Variants in CDC42EP3 observed in about 807,000 individuals in gnomAD.
The protein encoded by CDC42EP3 is CDC42 effector protein (Rho GTPase binding) 3.
A neutral mutation model predicts 15.5 loss-of-function variants in CDC42EP3; 4 were observed. The ratio of observed to expected loss-of-function variants is 0.26; its 90% CI spans 0.13 to 0.59. The LOEUF is 0.59. Ranked by LOEUF, CDC42EP3 falls within the 20% of genes least tolerant of loss-of-function variation. The pLI is 0.89. For synonymous variants in CDC42EP3, 145 were observed against 130.3 expected, an observed-to-expected ratio of 1.11 and a Z score of -0.77; for missense variants, 309 against 311.2, an observed-to-expected ratio of 0.99 and a Z score of 0.05.
chr2:37,660,492 G>A (rs536834956), intron 1 of CDC42EP3, among the ~76,000 whole-genome samples: 1 of 152,278 alleles, frequency 6.6e-6, no homozygotes, highest in Admixed American at 6.5e-5. Flanking sequence ...AGATAAAAGT[G>A]GTGTTTTCAT....
upstream of CDC42EP3, chr2:37,672,393 G>A (rs1666461328): frequency 6.6e-6 from 1 of 152,218 alleles, no homozygotes; most frequent in African/African-American, 2.4e-5. Context: ...TCTTTCAAAA[G>A]GATTTGCCTA....
chr2:37,664,625 G>C (rs1558343553), intron 1 of CDC42EP3, among the ~76,000 whole-genome samples: 1 of 152,184 alleles, frequency 6.6e-6, no homozygotes, highest in Non-Finnish European at 1.5e-5. Context: ...GAAAGAATCA[G>C]ATAGTATAGC....
chr2:37,661,968 T>C (rs1350460206), intron 1 of CDC42EP3, among the ~76,000 whole-genome samples: 1 of 152,016 alleles, frequency 6.6e-6, no homozygotes, highest in African/African-American at 2.4e-5. Flanking sequence ...AAGGCCTTGG[T>C]TTTATCATGT....
rs869165418 is a variant in CDC42EP3, at chr2:37,669,254, AT to A, written c.-236+2171del. Among the ~76,000 whole-genome samples, 248 of 90,094 alleles carry A rather than the reference AT, an allele frequency of 2.8e-3. 6 individuals are homozygous for A. The highest frequency in any genetic ancestry group is 0.012 in the Middle Eastern group (2 of 164). The allele number at this position is 90,094 out of a possible 152,430, so 59.1% of individuals were successfully genotyped here. ...TGGCTAAAAAAAAAAAAAAAAAAAA[AT>A]CTTTGGGTGATACAGGTGAAAGCAA... is the stretch of plus-strand genomic sequence containing the variant. On this transcript the variant is annotated intron_variant, in intron 1 of 1. Coordinates refer to ENST00000295324, the MANE Select transcript of CDC42EP3 (RefSeq NM_006449.5).
chr2:37,649,106 G>C (rs1389491007), intron 1 of CDC42EP3, among the ~76,000 whole-genome samples: 1 of 151,470 alleles, frequency 6.6e-6, no homozygotes, highest in Non-Finnish European at 1.5e-5. Context: ...GATCACTTAA[G>C]GCCTGGAGTT....
At chr2:37,671,250 C>CT (rs1666409051) in intron 1 of CDC42EP3, among the ~76,000 whole-genome samples, 176 bp downstream of exon 1, 2 of 152,244 alleles carry the variant, frequency 1.3e-5, no homozygotes, top group Non-Finnish European at 2.9e-5. Flanking sequence ...TCCTGGCTTG[C>CT]TTTATGTCCC....
At position 37,644,060 on chromosome 2, in the gene CDC42EP3, G is replaced by A. The variant is rs1665361209; in HGVS notation, c.*1763C>T. 6.8e-6 allele frequency: 1 copy of A among 146,838 alleles called. No homozygotes were observed. The highest frequency in any genetic ancestry group is 2.5e-5 in the African/African-American group (1 of 39,374). 9.1% of individuals were successfully genotyped at this position (146,838 alleles called of 1,614,324 possible). On this transcript the variant is annotated 3_prime_UTR_variant, in exon 2 of 2. Coordinates refer to ENST00000295324, the MANE Select transcript of CDC42EP3 (RefSeq NM_006449.5). ...GTTAGTGTTAGTGTGTTTTACATGT[G>A]GCCCAAGAAAATTCTTCCAATGCGG... is the stretch of plus-strand genomic sequence containing the variant.
At chr2:37,669,278 C>T (rs1572530333) in intron 1 of CDC42EP3, among the ~76,000 whole-genome samples, 1 of 144,596 alleles carries the variant, frequency 6.9e-6, no homozygotes, top group African/African-American at 2.6e-5. Flanking sequence ...CAGGTGAAAG[C>T]AATTTTATCC....
At chr2:37,648,055 T>G (rs911477248) in intron 1 of CDC42EP3, among the ~76,000 whole-genome samples, 1 of 152,204 alleles carries the variant, frequency 6.6e-6, no homozygotes, top group African/African-American at 2.4e-5. Flanking sequence ...GTTACCAGTG[T>G]AGAAAGCAAC....
intron 1 of CDC42EP3, among the ~76,000 whole-genome samples, chr2:37,669,473 A>G (rs1027799799): frequency 4.6e-5 from 7 of 152,238 alleles, no homozygotes; most frequent in African/African-American, 1.4e-4. Flanking sequence ...CACCGCACTT[A>G]AATGTGCAAT....
intron 1 of CDC42EP3, among the ~76,000 whole-genome samples, chr2:37,662,591 C>A (rs1666096698): frequency 6.6e-6 from 1 of 152,204 alleles, no homozygotes; most frequent in African/African-American, 2.4e-5. Context: ...TTACTCCCTG[C>A]ACCACCCTGA....
intron 1 of CDC42EP3, among the ~76,000 whole-genome samples, chr2:37,659,781 G>T (rs1389198847): frequency 6.6e-6 from 1 of 152,252 alleles, no homozygotes; most frequent in Non-Finnish European, 1.5e-5. Context: ...ACAATGGACA[G>T]TCTATAGAAA....
rs76268591 is a variant in CDC42EP3 at position 37,669,534 on chromosome 2, C to G, written c.-236+1892G>C. On this transcript the variant is annotated intron_variant, in intron 1 of 1. Coordinates refer to ENST00000295324, the MANE Select transcript of CDC42EP3 (RefSeq NM_006449.5). Reference sequence around the variant, plus strand: ...ATTACTCTAGCTGCTTTTACTTGTTCCATAGAGATACGTGAAACAATTTCA... The same window carrying G: ...ATTACTCTAGCTGCTTTTACTTGTTGCATAGAGATACGTGAAACAATTTCA... Among the ~76,000 whole-genome samples, 42 of 152,274 alleles carry G rather than the reference C, an allele frequency of 2.8e-4. No homozygotes were observed. The East Asian group carries it at 8.1e-3, about 29-fold the overall frequency.
chr2:37,659,461 T>C (rs1558341430), intron 1 of CDC42EP3, among the ~76,000 whole-genome samples: 1 of 152,248 alleles, frequency 6.6e-6, no homozygotes, highest in Non-Finnish European at 1.5e-5. Context: ...TACAGGACCA[T>C]ACAGATCTTT....
intron 1 of CDC42EP3, among the ~76,000 whole-genome samples, chr2:37,668,939 C>T (rs1558344963): frequency 6.6e-6 from 1 of 152,050 alleles, no homozygotes; most frequent in Admixed American, 6.6e-5. Flanking sequence ...CTGGCTGAAT[C>T]CAGTATTTTC....
chr2:37,665,863 C>G (rs1410182053), intron 1 of CDC42EP3, among the ~76,000 whole-genome samples: 1 of 17,468 alleles, frequency 5.7e-5, no homozygotes, highest in Non-Finnish European at 1.6e-4. Flanking sequence ...TCCTGGCTCA[C>G]TGTTCTGGAG....
chr2:37,655,166 C>T (rs921853482), intron 1 of CDC42EP3, among the ~76,000 whole-genome samples: 5 of 152,212 alleles, frequency 3.3e-5, no homozygotes, highest in African/African-American at 9.7e-5. Flanking sequence ...AGCTGGCTCC[C>T]CAGCTGCTGA....
chr2:37,650,959 A>C (rs940714552), intron 1 of CDC42EP3, among the ~76,000 whole-genome samples: 1 of 152,240 alleles, frequency 6.6e-6, no homozygotes, highest in Non-Finnish European at 1.5e-5. Flanking sequence ...AAGGCTGTTC[A>C]AACCAGCACA....
At chr2:37,649,294 T>G (rs914037655) in intron 1 of CDC42EP3, among the ~76,000 whole-genome samples, 8 of 151,134 alleles carry the variant, frequency 5.3e-5, no homozygotes, top group African/African-American at 1.9e-4. Flanking sequence ...CTACAAAAAC[T>G]TTCTTAAAAA....
Sources: gnomAD v4.1 joint callset for allele counts (sites outside exome capture counted in the v4.1 genomes callset) on GRCh38, gnomAD v4.1.1 for gene constraint, MANE v1.5 for transcripts, NCBI Gene and HGNC (gene_info 2026-07-23, HGNC 2026-07-21) for gene names.